TAFA2: variants seen among roughly 807,000 people sequenced by gnomAD.
TAFA2 encodes the protein TAFA chemokine like family member 2.
In TAFA2, 7 loss-of-function variants were observed where a neutral mutation model predicts 18.8. The ratio of observed to expected loss-of-function variants is 0.37; its 90% CI spans 0.21 to 0.70. The LOEUF (loss-of-function observed/expected upper bound fraction) is 0.70, where lower values mean the gene tolerates loss of function less well. Among genes scored for constraint, TAFA2 ranks in the 30% least tolerant of loss-of-function variants. The probability of loss-of-function intolerance (pLI) is 0.53; values close to 1 mark genes in which losing one functional copy is unlikely to be tolerated. For missense variants in TAFA2, 122 were observed against 158.1 expected (o/e 0.77, Z 1.23); for synonymous variants, 60 against 54.2 (o/e 1.11, Z -0.47).
At chr12:61,753,775 C>G (rs1565621848) in intron 3 of TAFA2, 29 bp from the exon 4 acceptor site, 1 of 1,582,554 alleles carries the variant, frequency 6.3e-7, no homozygotes, top group East Asian at 2.3e-5. Flanking sequence ...ATTGACTCAA[C>G]ATTTTTTTCT....
At chr12:61,958,333 T>TA (rs1209571280) in intron 1 of TAFA2, among the ~76,000 whole-genome samples, 2 of 152,224 alleles carry the variant, frequency 1.3e-5, no homozygotes, top group East Asian at 3.9e-4. Context: ...AATGCCATAA[T>TA]AAATGTTTTC....
intron 1 of TAFA2, among the ~76,000 whole-genome samples, chr12:62,115,521 A>G (rs1463208231): frequency 1.3e-5 from 2 of 152,150 alleles, no homozygotes; most frequent in Admixed American, 6.5e-5. Context: ...TCCAAATCAC[A>G]GTCTGTAAGC....
rs747982692 is a variant in TAFA2 at position 61,875,344 on chromosome 12, A to C, written c.-1-7918T>G. 3.2e-3 allele frequency among the ~76,000 whole-genome samples: 488 copies of C among 152,130 alleles called. 1 individual carries two copies. Among genetic ancestry groups the C allele is most frequent in the Non-Finnish European group, 5.2e-3 (352 of 67,968 alleles). On this transcript the variant is annotated intron_variant, in intron 1 of 4. Coordinates refer to ENST00000416284, the MANE Select transcript of TAFA2 (RefSeq NM_178539.5). ...TTCTCTGCATTTCTGTTTTTTATTC[A>C]GTGCTCCTCTCCTTATCAATTGCTT...
intron 1 of TAFA2, among the ~76,000 whole-genome samples, chr12:62,113,423 C>T (rs1232610525): frequency 6.6e-6 from 1 of 152,122 alleles, no homozygotes; most frequent in African/African-American, 2.4e-5. Flanking sequence ...GCCTGTCGAC[C>T]CCTGCTGAGA....
intron 1 of TAFA2, among the ~76,000 whole-genome samples, chr12:61,968,616 A>G (rs1879144718): frequency 6.6e-6 from 1 of 151,760 alleles, no homozygotes; most frequent in Admixed American, 6.6e-5. Flanking sequence ...TTAAGTAATA[A>G]AAATAACAAT....
intron 1 of TAFA2, chr12:62,235,651 C>T (rs966074618): frequency 4.7e-6 from 1 of 211,746 alleles, no homozygotes; most frequent in African/African-American, 2.3e-5. Context: ...TTACTGTCTT[C>T]CTCAGTGGTT....
chr12:61,996,051 A>C (rs1880176739), intron 1 of TAFA2, among the ~76,000 whole-genome samples: 1 of 152,048 alleles, frequency 6.6e-6, no homozygotes, highest in Non-Finnish European at 1.5e-5. Flanking sequence ...TATTGATAAG[A>C]AATATTTAGT....
At chr12:62,230,744 C>T (rs2062808855) in intron 1 of TAFA2, among the ~76,000 whole-genome samples, 1 of 152,184 alleles carries the variant, frequency 6.6e-6, no homozygotes. Context: ...GTGACACAAT[C>T]ATGACTTAGT....
intron 1 of TAFA2, among the ~76,000 whole-genome samples, chr12:61,981,049 T>A (rs527622409): frequency 2.6e-5 from 4 of 152,280 alleles, no homozygotes; most frequent in South Asian, 4.1e-4. Context: ...GCTACCTGAC[T>A]TCAAACTACA....
chr12:62,052,995 G>A (rs1474927083), intron 1 of TAFA2, among the ~76,000 whole-genome samples: 4 of 152,226 alleles, frequency 2.6e-5, no homozygotes, highest in African/African-American at 9.6e-5. Flanking sequence ...GAAAAGGTTA[G>A]TGGGTCGTTG....
At chr12:61,737,246 T>C (rs946054695) in intron 4 of TAFA2, among the ~76,000 whole-genome samples, 3 of 151,988 alleles carry the variant, frequency 2.0e-5, no homozygotes, top group Non-Finnish European at 4.4e-5. Flanking sequence ...AGTTTTTTTC[T>C]ATTACATTTT....
intron 2 of TAFA2, among the ~76,000 whole-genome samples, chr12:61,848,900 G>T (rs749336137): frequency 9.2e-5 from 14 of 151,354 alleles, no homozygotes; most frequent in Non-Finnish European, 1.5e-4. Flanking sequence ...GGAGTGCAGT[G>T]GCACGTTCTC....
At chr12:62,037,395 A>T (rs1404363848) in intron 1 of TAFA2, among the ~76,000 whole-genome samples, 6 of 152,264 alleles carry the variant, frequency 3.9e-5, no homozygotes, top group Non-Finnish European at 8.8e-5. Context: ...TTCAACAGCT[A>T]ACACTGTGAT....
chr12:62,126,141 CTTTA>C (rs1191575119), intron 1 of TAFA2, among the ~76,000 whole-genome samples: 1 of 151,960 alleles, frequency 6.6e-6, no homozygotes, highest in Non-Finnish European at 1.5e-5. Flanking sequence ...TTTTAAAAGT[CTTTA>C]TTAATTCATT....
At chr12:61,879,216 TCTTTC>T (rs1874999594) in intron 1 of TAFA2, 1 of 357,316 alleles carries the variant, frequency 2.8e-6, no homozygotes, top group African/African-American at 2.1e-5. Context: ...GGCCCAAAGT[TCTTTC>T]CATTAAAAGT....
chr12:62,184,170 G>A (rs180787545), intron 1 of TAFA2, among the ~76,000 whole-genome samples: 4 of 152,172 alleles, frequency 2.6e-5, no homozygotes, highest in Non-Finnish European at 5.9e-5. Flanking sequence ...AACAAATGAC[G>A]GAAGGAGCAA....
At chr12:61,795,473 C>T (rs938210665) in intron 2 of TAFA2, among the ~76,000 whole-genome samples, 12 of 151,866 alleles carry the variant, frequency 7.9e-5, no homozygotes, top group Non-Finnish European at 1.3e-4. Flanking sequence ...AGCAAACTAT[C>T]GCAAGGACAA....
chr12:62,093,655 G>C (rs555909751), intron 1 of TAFA2, among the ~76,000 whole-genome samples: 4 of 151,974 alleles, frequency 2.6e-5, no homozygotes, highest in Admixed American at 2.6e-4. Flanking sequence ...CCACATTCCA[G>C]TGTTGGTGTC....
In TAFA2 at chr12:61,971,103, T is replaced by C. The variant is rs185763451; in HGVS notation, c.-1-103677A>G. 1.5e-3 allele frequency among the ~76,000 whole-genome samples: 234 copies of C among 151,508 alleles called. 1 individual carries two copies. Among genetic ancestry groups the C allele is most frequent in the South Asian group, 4.8e-3 (23 of 4,820 alleles). Reference sequence around the variant, plus strand: ...TATGGAAAGCAGGGAAGAATAAGGATTGAGTGGAAATCAAAGACACAAAGA... The same window carrying C: ...TATGGAAAGCAGGGAAGAATAAGGACTGAGTGGAAATCAAAGACACAAAGA... On this transcript the variant is annotated intron_variant, in intron 1 of 4. Transcript: ENST00000416284.
Sources: gnomAD v4.1 joint callset for allele counts (sites outside exome capture counted in the v4.1 genomes callset) on GRCh38, gnomAD v4.1.1 for gene constraint, MANE v1.5 for transcripts, NCBI Gene and HGNC (gene_info 2026-07-23, HGNC 2026-07-21) for gene names.